The following PCDHA3 variants were observed in gnomAD, a reference collection of about 807,000 sequenced individuals.
The protein encoded by PCDHA3 is protocadherin alpha-3.
Under a neutral mutation model 62.2 loss-of-function variants are expected in PCDHA3, and 41 were observed. That is an observed-to-expected ratio of 0.66 (90% CI 0.51 to 0.86). The LOEUF (loss-of-function observed/expected upper bound fraction) is 0.86. Ranked by LOEUF, PCDHA3 falls within the 40% of genes least tolerant of loss-of-function variation. The pLI, the probability that PCDHA3 is intolerant of heterozygous loss-of-function variation, is 0.00. For missense variants in PCDHA3, 1,304 were observed against 1,241.2 expected, an observed-to-expected ratio of 1.05 and a Z score of -0.76; for synonymous variants, 640 against 555.4, an observed-to-expected ratio of 1.15 and a Z score of -2.14.
Position 140,883,458 on chromosome 5 carries a change from T to G in PCDHA3, c.2394+79867T>G, listed in dbSNP as rs1315500498. ...TTGACGCCGCATGTCCCCTTCAAGC[T>G]GGTGTCCACCTACAAGAACTACTAC... On this transcript the variant is annotated intron_variant, in intron 1 of 3. Coordinates refer to ENST00000522353, the MANE Select transcript of PCDHA3 (RefSeq NM_018906.3). 13 of 1,614,058 alleles carry G rather than the reference T, an allele frequency of 8.1e-6. No individual in the cohort carries two copies. Among genetic ancestry groups the G allele is most frequent in the Non-Finnish European group, 1.1e-5 (13 of 1,180,042 alleles).
intron 1 of PCDHA3, chr5:140,862,885 A>C (rs782336518): frequency 3.5e-6 from 2 of 563,674 alleles, no homozygotes; most frequent in Admixed American, 3.8e-5. Flanking sequence ...TAGTGCTGGA[A>C]CGACAACTTT....
chr5:140,987,008 G>T (rs958548514), intron 3 of PCDHA3, among the ~76,000 whole-genome samples: 1 of 152,142 alleles, frequency 6.6e-6, no homozygotes, highest in Non-Finnish European at 1.5e-5. Context: ...GAGGTCATGA[G>T]TTCGAGACCA....
At chr5:140,809,303 G>A (rs1554125126) in intron 1 of PCDHA3, 35 of 1,614,100 alleles carry the variant, frequency 2.2e-5, no homozygotes, top group East Asian at 8.9e-5. Context: ...TGCCATCTGC[G>A]CGGTGTCCAG....
chr5:140,898,349 C>A (rs1310511547), intron 1 of PCDHA3, among the ~76,000 whole-genome samples: 1 of 152,168 alleles, frequency 6.6e-6, no homozygotes, highest in African/African-American at 2.4e-5. Flanking sequence ...TTTAATCCAT[C>A]TTGAATTAAT....
intron 1 of PCDHA3, chr5:140,882,711 C>T (rs1554175311): frequency 6.2e-7 from 1 of 1,614,160 alleles, no homozygotes; most frequent in Non-Finnish European, 8.5e-7. Context: ...TCTAGACCTC[C>T]GGAAACTCGA....
intron 1 of PCDHA3, among the ~76,000 whole-genome samples, chr5:140,964,396 G>A (rs2095829712): frequency 6.6e-6 from 1 of 152,188 alleles, no homozygotes; most frequent in South Asian, 2.1e-4. Flanking sequence ...TTTCTCCCAA[G>A]ACATGACATT....
In PCDHA3 at chr5:140,822,752, C is replaced by A. The variant is rs200831175; in HGVS notation, c.2394+19161C>A. The A allele has an allele frequency of 8.1e-5, 131 of 1,613,696 alleles. No individual in the cohort carries two copies. In the African/African-American group the frequency reaches 1.6e-3, roughly 20 times the overall value. ...AATATTGATGCCATGGATAAAAGTA[C>A]ATTCCCATTATCAGGACACTGTAAA... On this transcript the variant is annotated intron_variant, in intron 1 of 3. Coordinates refer to ENST00000522353, the MANE Select transcript of PCDHA3 (RefSeq NM_018906.3).
chr5:140,992,116 T>A (rs1279382326), intron 3 of PCDHA3, among the ~76,000 whole-genome samples: 1 of 151,688 alleles, frequency 6.6e-6, no homozygotes, highest in Non-Finnish European at 1.5e-5. Context: ...AGATGTGTCA[T>A]GGAAGAACAG....
At chr5:140,804,919 T>C in intron 1 of PCDHA3, 1 of 976,588 alleles carries the variant, frequency 1.0e-6, no homozygotes, top group Non-Finnish European at 1.4e-6. Context: ...TTATTTCCTT[T>C]TTTGGCACTA....
intron 1 of PCDHA3, chr5:140,968,987 T>C: frequency 6.2e-7 from 1 of 1,614,224 alleles, no homozygotes; most frequent in Non-Finnish European, 8.5e-7. Context: ...TGGCACTGCA[T>C]GCTGTGGAGG....
intron 1 of PCDHA3, among the ~76,000 whole-genome samples, chr5:140,925,793 A>G (rs1261267937): frequency 6.6e-6 from 1 of 152,074 alleles, no homozygotes; most frequent in African/African-American, 2.4e-5. Context: ...GTATCTCAGT[A>G]CTTTCCCCTC....
At chr5:140,835,601 A>C (rs2150239166) in intron 1 of PCDHA3, 1 of 1,613,906 alleles carries the variant, frequency 6.2e-7, no homozygotes, top group South Asian at 1.1e-5. Flanking sequence ...ATTACTATTC[A>C]TTGGTGCTGG....
At chr5:140,997,603 C>T (rs781897268) in intron 3 of PCDHA3, among the ~76,000 whole-genome samples, 2 of 151,824 alleles carry the variant, frequency 1.3e-5, no homozygotes, top group African/African-American at 2.4e-5. Flanking sequence ...GATTATGGGG[C>T]GCATGACTAT....
At chr5:140,918,694 T>C (rs1260893633) in intron 1 of PCDHA3, among the ~76,000 whole-genome samples, 2 of 152,186 alleles carry the variant, frequency 1.3e-5, no homozygotes, top group Non-Finnish European at 2.9e-5. Flanking sequence ...CAAACATAAT[T>C]AAGTCATGAG....
intron 1 of PCDHA3, chr5:140,830,325 T>A: frequency 6.2e-7 from 1 of 1,613,570 alleles, no homozygotes. Context: ...TCCAGCGCAG[T>A]GGGGAGCTGG....
Position 141,009,935 on chromosome 5 carries a change from T to TGAG in PCDHA3, c.2853_*2dup. Reference sequence around the variant, plus strand: ...CAGCACGACTGACAACAGTGACCAGTGAGGTCCTCAAATGGAAACAAGCCA... The same window carrying TGAG: ...CAGCACGACTGACAACAGTGACCAGTGAGGAGGTCCTCAAATGGAAACAAGCCA... On this transcript the variant is annotated inframe_insertion and stop_retained_variant, in exon 4 of 4. Transcript: ENST00000522353. 6.2e-7 allele frequency: 1 copy of TGAG among 1,602,418 alleles called. No individual in the cohort carries two copies. The highest frequency in any genetic ancestry group is 8.5e-7 in the Non-Finnish European group (1 of 1,176,054).
intron 3 of PCDHA3, among the ~76,000 whole-genome samples, chr5:141,002,946 G>A (rs2098104148): frequency 6.6e-6 from 1 of 152,180 alleles, no homozygotes; most frequent in African/African-American, 2.4e-5. Flanking sequence ...TCCAGCACAT[G>A]CCCCTCTGAG....
At chr5:140,922,371 T>G (rs1194947703) in intron 1 of PCDHA3, among the ~76,000 whole-genome samples, 1 of 152,204 alleles carries the variant, frequency 6.6e-6, no homozygotes, top group Non-Finnish European at 1.5e-5. Context: ...CTCACTGAGA[T>G]GCAAAACCAA....
intron 1 of PCDHA3, chr5:140,854,422 A>G (rs1322655400): frequency 1.3e-5 from 2 of 151,676 alleles, no homozygotes; most frequent in African/African-American, 4.9e-5. Flanking sequence ...AATCTCTAAA[A>G]TCAGAATTTG....
Sources: gnomAD v4.1 joint callset for allele counts (sites outside exome capture counted in the v4.1 genomes callset) on GRCh38, gnomAD v4.1.1 for gene constraint, MANE v1.5 for transcripts, NCBI Gene and HGNC (gene_info 2026-07-23, HGNC 2026-07-21) for gene names.